Variants in CSMD3 observed in about 807,000 individuals in gnomAD.
The protein encoded by CSMD3 is CUB and Sushi multiple domains 3.
In CSMD3, 177 loss-of-function variants were observed where a neutral mutation model predicts 435.2. The ratio of observed to expected loss-of-function variants is 0.41; its 90% confidence interval spans 0.36 to 0.46. The LOEUF (loss-of-function observed/expected upper bound fraction) is 0.46, where lower values mean the gene tolerates loss of function less well. Among genes scored for constraint, CSMD3 ranks in the 20% least tolerant of loss-of-function variants. CSMD3 has a pLI of 0.34. For synonymous variants in CSMD3, 1,656 were observed against 1,520.5 expected (o/e 1.09, Z -2.07); for missense variants, 4,265 against 4,504.6 (o/e 0.95, Z 1.52).
At chr8:112,439,800 A>C (rs1362720191) in intron 32 of CSMD3, among the ~76,000 whole-genome samples, 1 of 152,062 alleles carries the variant, frequency 6.6e-6, no homozygotes, top group Non-Finnish European at 1.5e-5. Flanking sequence ...ATGAGAACTC[A>C]CTCACTATCA....
intron 6 of CSMD3, among the ~76,000 whole-genome samples, chr8:112,994,050 G>T (rs2085553736): frequency 6.6e-6 from 1 of 151,732 alleles, no homozygotes; most frequent in Non-Finnish European, 1.5e-5. Flanking sequence ...AATAGTCAGA[G>T]ATTACACCAA....
intron 5 of CSMD3, among the ~76,000 whole-genome samples, chr8:113,020,606 G>A (rs772948350): frequency 5.3e-5 from 8 of 152,218 alleles, no homozygotes; most frequent in South Asian, 2.1e-4. Context: ...TTAATAACAC[G>A]TTCTTAATAA....
chr8:113,354,176 C>T (rs1057247336), intron 1 of CSMD3, among the ~76,000 whole-genome samples: 6 of 152,116 alleles, frequency 3.9e-5, no homozygotes, highest in Non-Finnish European at 8.8e-5. Flanking sequence ...AAAGTGTGCC[C>T]TTGACTTCTA....
At chr8:113,314,231 C>G (rs2093892510) in intron 2 of CSMD3, 1 of 253,674 alleles carries the variant, frequency 3.9e-6, no homozygotes, top group South Asian at 4.9e-5. Flanking sequence ...TGAAATATAC[C>G]TTATATAGTA....
intron 4 of CSMD3, among the ~76,000 whole-genome samples, chr8:113,114,016 T>C (rs1231743449): frequency 6.6e-6 from 1 of 152,088 alleles, no homozygotes; most frequent in African/African-American, 2.4e-5. Context: ...AAACAGTATA[T>C]AGTATGAACA....
At chr8:112,497,201 A>T (rs1821439509) in intron 30 of CSMD3, among the ~76,000 whole-genome samples, 1 of 152,124 alleles carries the variant, frequency 6.6e-6, no homozygotes, top group African/African-American at 2.4e-5. Flanking sequence ...AATGATGCTT[A>T]CCAGAGGCTG....
chr8:113,047,231 A>G (rs1187478874), intron 5 of CSMD3, among the ~76,000 whole-genome samples: 1 of 152,154 alleles, frequency 6.6e-6, no homozygotes, highest in Non-Finnish European at 1.5e-5. Flanking sequence ...TTTAATTACC[A>G]TTTCTTCACT....
intron 1 of CSMD3, among the ~76,000 whole-genome samples, chr8:113,401,080 A>G (rs960119925): frequency 6.6e-6 from 1 of 151,828 alleles, no homozygotes; most frequent in African/African-American, 2.4e-5. Flanking sequence ...CAATGAAGAT[A>G]AAAAGAAAAA....
At chr8:113,355,716 TTATTTTTATATATATATATATA>T (rs2094218730) in intron 1 of CSMD3, among the ~76,000 whole-genome samples, 1 of 92,194 alleles carries the variant, frequency 1.1e-5, no homozygotes, top group East Asian at 4.1e-4. Context: ...CTTAAAAGTT[TTATTTTTATATATATATATATA>T]TATATATATA....
At chr8:113,176,833 A>G (rs927816764) in intron 3 of CSMD3, among the ~76,000 whole-genome samples, 1 of 151,904 alleles carries the variant, frequency 6.6e-6, no homozygotes, top group Admixed American at 6.6e-5. Context: ...ATGTGCAGCA[A>G]ACCATCATGG....
At chr8:112,361,324 A>G (rs1827180250) in intron 38 of CSMD3, among the ~76,000 whole-genome samples, 1 of 151,690 alleles carries the variant, frequency 6.6e-6, no homozygotes, top group African/African-American at 2.4e-5. Context: ...AATCCATACA[A>G]AAAATTGCAC....
In CSMD3 at chr8:112,472,643, A is replaced by C; in HGVS notation, c.5343T>G (p.Asn1781Lys). Residue 1781 changes from asparagine to lysine, a missense_variant, in exon 32 of 71, where the codon AAT becomes AAG. This residue lies in a region of CSMD3 where 3,255 missense variants were observed against 3,380.2 expected (regional missense o/e 0.96). Coordinates refer to ENST00000297405, the MANE Select transcript of CSMD3 (RefSeq NM_198123.2). ...GTVLSPNYPK[N>K]YSVGHNCVYS... ...AAACACAATTATGTCCCACACTGTA[A>C]TTTTTTGGATAGTTTGGTGATAGAA... The C allele has an allele frequency of 6.2e-7, 1 of 1,611,804 alleles. No homozygotes were observed. Among genetic ancestry groups the C allele is most frequent in the Non-Finnish European group, 8.5e-7 (1 of 1,178,164 alleles).
At chr8:112,944,057 T>C (rs545777858) in intron 9 of CSMD3, among the ~76,000 whole-genome samples, 1 of 151,788 alleles carries the variant, frequency 6.6e-6, no homozygotes, top group East Asian at 1.9e-4. Context: ...GGCACTCAAA[T>C]TTACTTAGCA....
intron 13 of CSMD3, among the ~76,000 whole-genome samples, chr8:112,706,767 T>G (rs1039406274): frequency 2.9e-4 from 44 of 152,208 alleles, no homozygotes; most frequent in African/African-American, 9.1e-4. Flanking sequence ...ACATAGCAAC[T>G]GTCACACTAT....
chr8:112,298,078 A>T (rs1308549977), intron 53 of CSMD3, among the ~76,000 whole-genome samples: 2 of 146,636 alleles, frequency 1.4e-5, no homozygotes, highest in South Asian at 2.1e-4. Context: ...AAAAAAAAAA[A>T]AAAAAAAAAA....
chr8:113,019,680 C>T (rs1171200737), intron 5 of CSMD3, among the ~76,000 whole-genome samples: 1 of 80,994 alleles, frequency 1.2e-5, no homozygotes, highest in South Asian at 4.2e-4. Flanking sequence ...ATCGAAAGAC[C>T]TCATAAATTG....
chr8:112,252,644 T>A (rs1208770569), intron 63 of CSMD3, among the ~76,000 whole-genome samples: 2 of 148,522 alleles, frequency 1.3e-5, no homozygotes, highest in South Asian at 4.2e-4. Flanking sequence ...GTTAGATCTA[T>A]ACAGATTTAG....
At chr8:112,959,112 T>C (rs1490988970) in intron 7 of CSMD3, among the ~76,000 whole-genome samples, 1 of 152,096 alleles carries the variant, frequency 6.6e-6, no homozygotes, top group African/African-American at 2.4e-5. Flanking sequence ...TTGCTATGCA[T>C]ATATAGTGAA....
chr8:112,713,646 G>C (rs975112730), intron 13 of CSMD3, among the ~76,000 whole-genome samples: 1 of 151,996 alleles, frequency 6.6e-6, no homozygotes, highest in South Asian at 2.1e-4. Flanking sequence ...TTGAAATAAA[G>C]GAAAAAATGT....
Sources: gnomAD v4.1 joint callset for allele counts (sites outside exome capture counted in the v4.1 genomes callset) on GRCh38, gnomAD v4.1.1 for gene constraint, gnomAD v4.1.1 regional missense constraint, MANE v1.5 for transcripts, NCBI Gene and HGNC (gene_info 2026-07-23, HGNC 2026-07-21) for gene names.